The following QRICH1 variants were observed in gnomAD, a reference collection of about 807,000 sequenced individuals.
QRICH1 encodes glutamine rich 1.
A neutral mutation model predicts 87.1 loss-of-function variants in QRICH1; 16 were observed. That is an observed-to-expected ratio of 0.18 (90% CI 0.12 to 0.28). The LOEUF (loss-of-function observed/expected upper bound fraction) is 0.28. Ranked by LOEUF, QRICH1 falls within the 10% of genes least tolerant of loss-of-function variation. The probability of loss-of-function intolerance (pLI) is 1.00; values close to 1 mark genes in which losing one functional copy is unlikely to be tolerated. For missense variants in QRICH1, 647 were observed against 951.7 expected (o/e 0.68, Z 4.21); for synonymous variants, 367 against 368.4 (o/e 1.00, Z 0.05).
chr3:49,063,745 G>A (rs1041322852), intron 2 of QRICH1, among the ~76,000 whole-genome samples: 1 of 152,122 alleles, frequency 6.6e-6, no homozygotes, highest in African/African-American at 2.4e-5. Context: ...ACTATGAACG[G>A]CACGTGCCAC....
chr3:49,061,726 C>T (rs558146887), intron 2 of QRICH1, among the ~76,000 whole-genome samples: 5 of 152,224 alleles, frequency 3.3e-5, no homozygotes, highest in South Asian at 2.1e-4. Flanking sequence ...GTGGTGCATG[C>T]CTGTAATCCC....
intron 1 of QRICH1, among the ~76,000 whole-genome samples, chr3:49,089,918 A>G (rs2042241562): frequency 6.6e-6 from 1 of 152,258 alleles, no homozygotes; most frequent in Non-Finnish European, 1.5e-5. Context: ...ATTTCTTGAA[A>G]AAGTAGTACT....
intron 2 of QRICH1, among the ~76,000 whole-genome samples, chr3:49,068,643 T>C (rs1343964957): frequency 3.3e-5 from 5 of 151,584 alleles, no homozygotes; most frequent in African/African-American, 9.7e-5. Context: ...TCTTTTTTTT[T>C]TTGTGATGGG....
intron 2 of QRICH1, among the ~76,000 whole-genome samples, chr3:49,070,321 A>G (rs2093493661): frequency 6.6e-6 from 1 of 152,144 alleles, no homozygotes; most frequent in South Asian, 2.1e-4. Context: ...TACAAGCATG[A>G]GCCACCACGC....
intron 1 of QRICH1, among the ~76,000 whole-genome samples, chr3:49,080,726 T>C (rs1212644981): frequency 1.3e-5 from 2 of 151,992 alleles, no homozygotes; most frequent in Non-Finnish European, 2.9e-5. Context: ...TTTTCTTCTT[T>C]TCTTCCTAGA....
chr3:49,083,759 C>A (rs1405143535), intron 1 of QRICH1, among the ~76,000 whole-genome samples: 1 of 151,222 alleles, frequency 6.6e-6, no homozygotes, highest in East Asian at 2.0e-4. Context: ...CAGAGTGAGA[C>A]TCCATCTCAA....
At chr3:49,074,932 T>C (rs1427245849) in intron 2 of QRICH1, among the ~76,000 whole-genome samples, 1 of 151,896 alleles carries the variant, frequency 6.6e-6, no homozygotes, top group Non-Finnish European at 1.5e-5. Context: ...TGAGCTGAGA[T>C]TGCACCACTG....
At chr3:49,044,336 G>T in intron 6 of QRICH1, 54 bp downstream of exon 6, 1 of 1,363,548 alleles carries the variant, frequency 7.3e-7, no homozygotes, top group Non-Finnish European at 1.0e-6. Flanking sequence ...AGAAGCTATT[G>T]ATCTTTCTTA....
At chr3:49,038,122 C>G (rs1000968550) in intron 6 of QRICH1, among the ~76,000 whole-genome samples, 2 of 151,120 alleles carry the variant, frequency 1.3e-5, no homozygotes, top group South Asian at 4.2e-4. Flanking sequence ...AGGGCAGTGG[C>G]GCGATCTCGG....
intron 2 of QRICH1, among the ~76,000 whole-genome samples, chr3:49,065,783 C>A (rs1176546204): frequency 6.6e-6 from 1 of 151,888 alleles, no homozygotes; most frequent in Non-Finnish European, 1.5e-5. Flanking sequence ...CGGGTTCACG[C>A]CATTCTCCTG....
In QRICH1 at chr3:49,082,415, C is replaced by T. The variant is rs192642752; in HGVS notation, c.-21-5377G>A. ...TATGTCATCTCCAAATAAATCCTAC[C>T]AGCCAGTATTTCTAGAATAGTACCT... On this transcript the variant is annotated intron_variant, in intron 1 of 9. Coordinates refer to ENST00000395443, the MANE Select transcript of QRICH1 (RefSeq NM_198880.3). 3.3e-4 allele frequency among the ~76,000 whole-genome samples: 50 copies of T among 152,138 alleles called. No individual in the cohort carries two copies. In the East Asian group the frequency reaches 7.9e-3, roughly 24 times the overall value.
chr3:49,084,967 C>T (rs1216308691), intron 1 of QRICH1, among the ~76,000 whole-genome samples: 2 of 150,960 alleles, frequency 1.3e-5, no homozygotes, highest in African/African-American at 4.9e-5. Flanking sequence ...ACGGTGAAAC[C>T]CCGTCTCTAC....
intron 2 of QRICH1, among the ~76,000 whole-genome samples, chr3:49,063,776 A>C (rs2093449431): frequency 6.6e-6 from 1 of 152,238 alleles, no homozygotes; most frequent in South Asian, 2.1e-4. Context: ...CTTGGACAAC[A>C]AAGTGAAACT....
At chr3:49,032,578 G>A (rs1450094666) in intron 8 of QRICH1, 44 bp downstream of exon 8, 1 of 1,528,634 alleles carries the variant, frequency 6.5e-7, no homozygotes, top group Middle Eastern at 1.9e-4. Context: ...GACAGGGCAG[G>A]ACAAGTAGCA....
rs192873436 is a variant in QRICH1 at position 49,067,699 on chromosome 3, G to A, written c.309+9010C>T. Among the ~76,000 whole-genome samples the A allele has an allele frequency of 4.0e-3, 606 of 152,016 alleles. 4 individuals carry two copies. The highest frequency in any genetic ancestry group is 0.017 in the Middle Eastern group (5 of 294). ...TAATCATATTAAGAATCTGGCAAAA[G>A]GCCAGGCGCGGTGGCTCAGGCCTAT... On this transcript the variant is annotated intron_variant, in intron 2 of 9. Coordinates refer to ENST00000395443, the MANE Select transcript of QRICH1 (RefSeq NM_198880.3).
At chr3:49,068,232 C>T (rs2093479220) in intron 2 of QRICH1, among the ~76,000 whole-genome samples, 1 of 151,956 alleles carries the variant, frequency 6.6e-6, no homozygotes, top group African/African-American at 2.4e-5. Flanking sequence ...TGGTGCATGC[C>T]TGTAGTCCCA....
intron 3 of QRICH1, among the ~76,000 whole-genome samples, chr3:49,054,511 T>C (rs1393061540): frequency 7.6e-6 from 1 of 132,306 alleles, no homozygotes; most frequent in Non-Finnish European, 1.6e-5. Context: ...TTCTCACAGT[T>C]CCCTTCTCAA....
At chr3:49,089,990 G>A (rs2042243408) in intron 1 of QRICH1, among the ~76,000 whole-genome samples, 2 of 152,152 alleles carry the variant, frequency 1.3e-5, no homozygotes, top group African/African-American at 4.8e-5. Context: ...AAATTTACAT[G>A]GATGGATAAA....
intron 6 of QRICH1, among the ~76,000 whole-genome samples, chr3:49,038,464 G>C (rs1426743794): frequency 6.6e-6 from 1 of 151,814 alleles, no homozygotes; most frequent in Non-Finnish European, 1.5e-5. Flanking sequence ...CTGGGCTGGA[G>C]TGCAATGGTG....
Sources: allele counts gnomAD v4.1 joint callset (sites outside exome capture counted in the v4.1 genomes callset), GRCh38; gene constraint gnomAD v4.1.1; transcripts MANE v1.5; gene names NCBI Gene and HGNC (gene_info 2026-07-23, HGNC 2026-07-21).